RALGAPA1: variants seen among roughly 807,000 people sequenced by gnomAD.
RALGAPA1 encodes Ral GTPase activating protein catalytic subunit alpha 1.
A neutral mutation model predicts 269.6 loss-of-function variants in RALGAPA1; 52 were observed. That is an observed-to-expected ratio of 0.19 (90% confidence interval 0.15 to 0.24). The LOEUF (loss-of-function observed/expected upper bound fraction) is 0.24, where lower values mean the gene tolerates loss of function less well. RALGAPA1 is among the 10% of genes least tolerant of loss of function. The probability of loss-of-function intolerance (pLI) is 1.00; values close to 1 mark genes in which losing one functional copy is unlikely to be tolerated. For synonymous variants in RALGAPA1, 817 were observed against 1,008.3 expected, an observed-to-expected ratio of 0.81 and a Z score of 3.60; for missense variants, 1,917 against 3,013.9, an observed-to-expected ratio of 0.64 and a Z score of 8.52.
intron 12 of RALGAPA1, among the ~76,000 whole-genome samples, chr14:35,729,672 G>A (rs1477336960): frequency 6.6e-6 from 1 of 152,192 alleles, no homozygotes; most frequent in East Asian, 1.9e-4. Context: ...TTGAGGAACG[G>A]CAAGGAGTAC....
intron 35 of RALGAPA1, among the ~76,000 whole-genome samples, chr14:35,617,997 G>GAAAA (rs1169411442): frequency 1.3e-5 from 2 of 151,894 alleles, no homozygotes; most frequent in Admixed American, 1.3e-4. Context: ...TTAGAAAATA[G>GAAAA]AAAACAAAAC....
intron 6 of RALGAPA1, among the ~76,000 whole-genome samples, chr14:35,757,122 T>A (rs1988434): frequency 0.74 from 88,324 of 118,858 alleles, 33,714 homozygotes; most frequent in Non-Finnish European, 0.88. Context: ...TATTATTATT[T>A]TTTTTTTTTT....
intron 41 of RALGAPA1, chr14:35,541,684 T>A (rs761147785): frequency 2.2e-6 from 1 of 456,026 alleles, no homozygotes; most frequent in Non-Finnish European, 4.4e-6. Flanking sequence ...CTCATGCTTT[T>A]CTGGTAATGC....
At chr14:35,718,840 AT>A (rs35240996) in intron 16 of RALGAPA1, among the ~76,000 whole-genome samples, 26,834 of 140,588 alleles carry the variant, frequency 0.19, 2,434 homozygotes, top group African/African-American at 0.27. Context: ...AAAAAAATGG[AT>A]TTTTTTTTTT....
intron 16 of RALGAPA1, among the ~76,000 whole-genome samples, chr14:35,705,456 C>T (rs962254798): frequency 6.6e-6 from 1 of 151,600 alleles, no homozygotes; most frequent in Non-Finnish European, 1.5e-5. Flanking sequence ...AGATTAGCTT[C>T]TTTTACTCAG....
chr14:35,752,017 T>C lies in RALGAPA1; in HGVS notation c.802+7A>G. 3 of 1,570,998 alleles carry C rather than the reference T, an allele frequency of 1.9e-6. No individual in the cohort carries two copies. The highest frequency in any genetic ancestry group is 2.6e-6 in the Non-Finnish European group (3 of 1,164,468). ...TGATCTTTCAGAAAATTTCAAACAT[T>C]ACCTACCAAGTATAGGATGATATAA... On this transcript the variant is annotated splice_region_variant and intron_variant, in intron 8 of 41. Transcript: ENST00000680220.
intron 37 of RALGAPA1, among the ~76,000 whole-genome samples, chr14:35,588,721 C>A (rs1026020821): frequency 7.9e-5 from 12 of 152,078 alleles, no homozygotes; most frequent in African/African-American, 2.7e-4. Context: ...AAAATTAGAA[C>A]TATCATTATG....
intron 36 of RALGAPA1, among the ~76,000 whole-genome samples, chr14:35,600,643 C>G (rs1340905483): frequency 6.6e-6 from 1 of 152,158 alleles, no homozygotes; most frequent in Non-Finnish European, 1.5e-5. Context: ...AACTACATAG[C>G]CTTTTATTTC....
chr14:35,700,769 C>G (rs1241514285), intron 16 of RALGAPA1, among the ~76,000 whole-genome samples: 1 of 152,206 alleles, frequency 6.6e-6, no homozygotes, highest in Admixed American at 6.5e-5. Context: ...CTTTCATACT[C>G]TTTACCAAAT....
chr14:35,619,125 T>C (rs1760672789), intron 35 of RALGAPA1, among the ~76,000 whole-genome samples: 1 of 152,014 alleles, frequency 6.6e-6, no homozygotes, highest in Non-Finnish European at 1.5e-5. Flanking sequence ...TTAAAATATA[T>C]TATAAAGCTA....
intron 29 of RALGAPA1, among the ~76,000 whole-genome samples, chr14:35,654,822 G>A (rs1411227650): frequency 1.3e-5 from 2 of 151,996 alleles, no homozygotes; most frequent in African/African-American, 4.8e-5. Context: ...ATCTTCTATA[G>A]CACTGTTATG....
intron 1 of RALGAPA1, among the ~76,000 whole-genome samples, chr14:35,802,017 C>T (rs2077011914): frequency 6.6e-6 from 1 of 152,142 alleles, no homozygotes. Flanking sequence ...CTACAAAAAA[C>T]TAACAGAACT....
intron 16 of RALGAPA1, among the ~76,000 whole-genome samples, chr14:35,717,911 T>C (rs761701284): frequency 1.3e-5 from 2 of 152,190 alleles, no homozygotes; most frequent in Non-Finnish European, 2.9e-5. Context: ...AGCTTGACTT[T>C]ATCTCCTAAC....
intron 39 of RALGAPA1, chr14:35,564,636 C>T (rs983265438): frequency 2.6e-5 from 4 of 152,040 alleles, no homozygotes; most frequent in African/African-American, 7.2e-5. Flanking sequence ...AGAAATCAAA[C>T]GATACTAGTT....
At position 35,590,554 on chromosome 14, in the gene RALGAPA1, T is replaced by A. The variant is rs145012297; in HGVS notation, c.7209+5080A>T. ...GTTTGACAGTTACTCCTTCACATGC[T>A]CACACTCCGTGGCCTGCCGCCATGT... On this transcript the variant is annotated intron_variant, in intron 37 of 41. Coordinates refer to ENST00000680220, the MANE Select transcript of RALGAPA1 (RefSeq NM_001346249.2). Among the ~76,000 whole-genome samples the A allele has an allele frequency of 1.2e-4, 19 of 152,316 alleles. 1 individual carries two copies. The East Asian group carries it at 3.7e-3, about 29-fold the overall frequency.
intron 26 of RALGAPA1, 22 bp from the exon 27 acceptor site, chr14:35,664,789 A>T (rs776927124): frequency 6.2e-7 from 1 of 1,603,002 alleles, no homozygotes; most frequent in African/African-American, 1.3e-5. Context: ...ATTTTTAAAA[A>T]GTTTAAAAAT....
In RALGAPA1 at chr14:35,567,730, T is replaced by C. The variant is rs149274281; in HGVS notation, c.7496+2887A>G. The stretch of plus-strand genomic sequence containing the variant: ...CTTGGTAAGGAGTGCATCTTAAATG[T>C]TGTTGTACCTCATGTCAGAAAGTTT... On this transcript the variant is annotated intron_variant, in intron 39 of 41. Coordinates refer to ENST00000680220, the MANE Select transcript of RALGAPA1 (RefSeq NM_001346249.2). Among the ~76,000 whole-genome samples, 54 of 152,278 alleles carry C rather than the reference T, an allele frequency of 3.5e-4. 2 individuals carry two copies. In the South Asian group the frequency reaches 0.01, roughly 29 times the overall value.
At chr14:35,792,774 T>C (rs1490491719) in intron 1 of RALGAPA1, among the ~76,000 whole-genome samples, 1 of 100,616 alleles carries the variant, frequency 9.9e-6, no homozygotes, top group Non-Finnish European at 1.8e-5. Context: ...TGAGACCCTG[T>C]CTCAAAAAAA....
intron 36 of RALGAPA1, among the ~76,000 whole-genome samples, chr14:35,603,734 A>C (rs1594776449): frequency 6.6e-6 from 1 of 152,174 alleles, no homozygotes; most frequent in African/African-American, 2.4e-5. Flanking sequence ...AAGACAAATA[A>C]ACCAGACACA....
Sources: gnomAD v4.1 joint callset for allele counts (sites outside exome capture counted in the v4.1 genomes callset) on GRCh38, gnomAD v4.1.1 for gene constraint, MANE v1.5 for transcripts, NCBI Gene and HGNC (gene_info 2026-07-23, HGNC 2026-07-21) for gene names.